The following PWWP2A variants were observed in gnomAD, a reference collection of about 807,000 sequenced individuals.
PWWP2A encodes PWWP domain containing 2A.
Under a neutral mutation model 48.5 loss-of-function variants are expected in PWWP2A, and 18 were observed. The observed-to-expected ratio is 0.37, with a 90% CI of 0.26 to 0.55. The LOEUF (loss-of-function observed/expected upper bound fraction) is 0.55, where lower values mean the gene tolerates loss of function less well. PWWP2A is among the 20% of genes least tolerant of loss of function. The probability of loss-of-function intolerance (pLI) is 0.81; values close to 1 mark genes in which losing one functional copy is unlikely to be tolerated. For synonymous variants in PWWP2A, 396 were observed against 387.7 expected, an observed-to-expected ratio of 1.02 and a Z score of -0.25; for missense variants, 867 against 976.4, an observed-to-expected ratio of 0.89 and a Z score of 1.49.
chr5:160,078,201 C>T lies in PWWP2A; in HGVS notation c.1670-33G>A, dbSNP rs4360078. ...ATAGTAAAGAAAAGGAAGAAAATGT[C>T]GTTAAGCACAAGTAATTATATGAGG... On this transcript the variant is annotated intron_variant, in intron 3 of 3. Coordinates refer to the PWWP2A transcript ENST00000456329. This position sits in a 1 kb window ranked among gnomAD's most constrained non-coding sequence, Gnocchi z 4.2. 14 of 1,528,650 alleles carry T rather than the reference C, an allele frequency of 9.2e-6. No individual in the cohort carries two copies. The highest frequency in any genetic ancestry group is 1.2e-5 in the Non-Finnish European group (14 of 1,126,182). The allele number at this position is 1,528,650 out of a possible 1,614,324, so 94.7% of individuals were successfully genotyped here. A position where few individuals can be genotyped will look rare whatever the true frequency, so the allele number is the denominator to read the frequency against.
chr5:160,109,757 G>GAAAA (rs755988668), intron 1 of PWWP2A, among the ~76,000 whole-genome samples: 48 of 53,352 alleles, frequency 9.0e-4, no homozygotes, highest in African/African-American at 1.1e-3. Context: ...ATGCAACTGG[G>GAAAA]AAAAAAAAAA....
At chr5:160,094,098 T>C (rs367905474) in intron 1 of PWWP2A, 33 bp from the exon 2 acceptor site, 2 of 1,535,290 alleles carry the variant, frequency 1.3e-6, no homozygotes, top group African/African-American at 1.4e-5. Context: ...AAAGAAGACA[T>C]TAAGTTAACA....
the PWWP2A span, among the ~76,000 whole-genome samples, chr5:160,050,754 T>C: frequency 6.6e-6 from 1 of 151,318 alleles, no homozygotes. Flanking sequence ...GCCTCCTGAG[T>C]AGCTGCGACT....
exon 4 of PWWP2A, chr5:160,076,093 G>A (rs532866074): frequency 6.6e-6 from 1 of 151,988 alleles, no homozygotes. Context: ...ATAGCAACAT[G>A]GTAGGTGTAG....
chr5:160,066,866 C>T (rs1753623958), exon 3 of PWWP2A: 1 of 151,674 alleles, frequency 6.6e-6, no homozygotes, highest in Non-Finnish European at 1.5e-5. Context: ...TAGCAAGGTT[C>T]CATCTCTACA....
At chr5:160,088,676 G>A (rs564829177), downstream of PWWP2A, among the ~76,000 whole-genome samples, 150 of 152,280 alleles carry the variant, frequency 9.9e-4, 1 homozygote, top group African/African-American at 3.5e-3. Flanking sequence ...CCTATTGGAG[G>A]CCATCACTAG....
At chr5:160,117,930 AAAAG>A (rs1758302433) in intron 1 of PWWP2A, 1 of 956,006 alleles carries the variant, frequency 1.0e-6, no homozygotes, top group South Asian at 4.8e-5. Context: ...TCATATCTGC[AAAAG>A]AAGAGAATAA....
downstream of PWWP2A, among the ~76,000 whole-genome samples, chr5:160,071,293 G>C (rs1411226920): frequency 2.6e-5 from 4 of 152,202 alleles, no homozygotes; most frequent in South Asian, 8.3e-4. Flanking sequence ...CAACTTTCAA[G>C]CTAGAATCTA....
At chr5:160,059,618 G>A (rs1006235080), downstream of PWWP2A, among the ~76,000 whole-genome samples, 2 of 152,188 alleles carry the variant, frequency 1.3e-5, no homozygotes, top group Admixed American at 1.3e-4. Flanking sequence ...ATATTGTTGT[G>A]GCTTAGGGAA....
chr5:160,049,501 TCTC>T, the PWWP2A span: 3 of 1,552,064 alleles, frequency 1.9e-6, no homozygotes, highest in Non-Finnish European at 1.7e-6. Context: ...AATTATTTCT[TCTC>T]TTTTTACAGC....
At chr5:160,046,992 A>G in the PWWP2A span, among the ~76,000 whole-genome samples, 1 of 152,242 alleles carries the variant, frequency 6.6e-6, no homozygotes, top group Non-Finnish European at 1.5e-5. Context: ...AGCCTGGGTG[A>G]CAGAGCAAGA....
the PWWP2A span, among the ~76,000 whole-genome samples, chr5:160,047,574 C>T: frequency 6.6e-6 from 1 of 152,192 alleles, no homozygotes; most frequent in Non-Finnish European, 1.5e-5. Context: ...CAAAGCAGTC[C>T]TTCAAAAATG....
At chr5:160,064,456 G>A (rs527562842) in intron 4 of PWWP2A, among the ~76,000 whole-genome samples, 1 of 152,380 alleles carries the variant, frequency 6.6e-6, no homozygotes, top group East Asian at 1.9e-4. Flanking sequence ...TCCAAGCTCA[G>A]TGGAAATGGG....
At chr5:160,080,641 A>G in intron 3 of PWWP2A, 1 of 1,530,288 alleles carries the variant, frequency 6.5e-7, no homozygotes, top group Non-Finnish European at 8.8e-7. Flanking sequence ...AGGGCTTAAA[A>G]CAGACAGACC....
At chr5:160,099,789 T>C (rs1756069426) in intron 1 of PWWP2A, among the ~76,000 whole-genome samples, 1 of 151,842 alleles carries the variant, frequency 6.6e-6, no homozygotes. Flanking sequence ...GCAATTCTCA[T>C]GCCTTGGCCT....
chr5:160,105,876 C>G (rs1200223280), intron 1 of PWWP2A: 1 of 152,438 alleles, frequency 6.6e-6, no homozygotes, highest in African/African-American at 2.4e-5. Context: ...TTACTAAACA[C>G]TGACCTGTGC....
intron 1 of PWWP2A, among the ~76,000 whole-genome samples, chr5:160,109,910 C>CA (rs1249691324): frequency 1.4e-5 from 2 of 142,146 alleles, no homozygotes; most frequent in East Asian, 4.1e-4. Flanking sequence ...AAAGTAACAG[C>CA]AGAACTACAG....
chr5:160,074,757 A>C, downstream of PWWP2A, among the ~76,000 whole-genome samples: 1 of 151,204 alleles, frequency 6.6e-6, no homozygotes, highest in Non-Finnish European at 1.5e-5. Context: ...AAAAAAACAA[A>C]AAAAAAAACA....
intron 1 of PWWP2A, among the ~76,000 whole-genome samples, chr5:160,097,588 C>T (rs1273357508): frequency 6.6e-6 from 1 of 151,494 alleles, no homozygotes; most frequent in East Asian, 2.0e-4. Flanking sequence ...CGAGATCGCA[C>T]CACTGCACTC....
Sources: allele counts gnomAD v4.1 joint callset (sites outside exome capture counted in the v4.1 genomes callset), GRCh38; gene constraint gnomAD v4.1.1; non-coding constraint Gnocchi (gnomAD v3.1); transcripts MANE v1.5; gene names NCBI Gene and HGNC (gene_info 2026-07-23, HGNC 2026-07-21).